AFG2B: variants seen among roughly 807,000 people sequenced by gnomAD.
The protein encoded by AFG2B is AAA ATPase AFG2B.
At chr15:45,418,343 C>CAA in the AFG2B span, among the ~76,000 whole-genome samples, 23 of 52,398 alleles carry the variant, frequency 4.4e-4, no homozygotes, top group East Asian at 1.2e-3. Context: ...GACTCCATCT[C>CAA]AAAAAAAAAA....
At chr15:45,419,989 C>A in the AFG2B span, among the ~76,000 whole-genome samples, 3 of 98,354 alleles carry the variant, frequency 3.1e-5, no homozygotes, top group South Asian at 4.0e-4. Flanking sequence ...GACTCTGTCC[C>A]CCCCCCCCAA....
chr15:45,402,793 G>A, the AFG2B span: 14 of 1,592,180 alleles, frequency 8.8e-6, no homozygotes, highest in Non-Finnish European at 1.2e-5. Flanking sequence ...GCGGGCAGGC[G>A]CGCCCGGTGC....
At chr15:45,411,210 A>C in the AFG2B span, among the ~76,000 whole-genome samples, 2 of 152,162 alleles carry the variant, frequency 1.3e-5, no homozygotes, top group African/African-American at 4.8e-5. Flanking sequence ...GGGGGAAAAA[A>C]GTGTATAACC....
chr15:45,402,945 C>G, the AFG2B span: 88 of 1,597,912 alleles, frequency 5.5e-5, no homozygotes, highest in Non-Finnish European at 7.3e-5. Flanking sequence ...CGCCCAGTCC[C>G]GATCCCGCTG....
the AFG2B span, chr15:45,407,234 C>T: frequency 8.4e-7 from 1 of 1,192,748 alleles, no homozygotes; most frequent in Non-Finnish European, 1.1e-6. Context: ...GTACTGGCTC[C>T]ATCTTTTATT....
chr15:45,403,131 T>C, the AFG2B span: 2 of 1,476,482 alleles, frequency 1.4e-6, no homozygotes, highest in South Asian at 2.6e-5. Context: ...TAGCGGTGCC[T>C]CGCGGGGTGC....
At chr15:45,408,797 A>C in the AFG2B span, among the ~76,000 whole-genome samples, 1 of 152,162 alleles carries the variant, frequency 6.6e-6, no homozygotes, top group Non-Finnish European at 1.5e-5. Flanking sequence ...AGATAGAATG[A>C]TCACTTGAGC....
the AFG2B span, among the ~76,000 whole-genome samples, chr15:45,409,547 A>C: frequency 6.6e-6 from 1 of 151,924 alleles, no homozygotes; most frequent in African/African-American, 2.4e-5. Context: ...TTCTACTTTG[A>C]GGAAATTATT....
the AFG2B span, chr15:45,405,589 C>T: frequency 7.5e-7 from 1 of 1,340,808 alleles, no homozygotes; most frequent in Non-Finnish European, 1.0e-6. Context: ...GCGGTGAGTA[C>T]ATTTTCCTTA....
the AFG2B span, chr15:45,405,564 G>C: frequency 6.5e-7 from 1 of 1,533,750 alleles, no homozygotes; most frequent in African/African-American, 1.4e-5. Flanking sequence ...AGATTAATTT[G>C]GGGGTTAAAA....
chr15:45,409,046 T>C, the AFG2B span, among the ~76,000 whole-genome samples: 1 of 152,234 alleles, frequency 6.6e-6, no homozygotes, highest in Admixed American at 6.5e-5. Flanking sequence ...AATGAATGAG[T>C]ACTGGTTCTT....
the AFG2B span, among the ~76,000 whole-genome samples, chr15:45,411,570 G>A: frequency 6.6e-6 from 1 of 152,110 alleles, no homozygotes; most frequent in African/African-American, 2.4e-5. Flanking sequence ...CTCCAACTCG[G>A]CCTCCTAAAA....
chr15:45,417,716 TATC>T, the AFG2B span: 274 of 254,746 alleles, frequency 1.1e-3, 1 homozygote, highest in African/African-American at 5.4e-3. Context: ...TCAGCATCCT[TATC>T]ATACAGTGCA....
chr15:45,410,342 G>A, the AFG2B span: 11 of 1,597,202 alleles, frequency 6.9e-6, no homozygotes, highest in Non-Finnish European at 9.4e-6. Context: ...TTTTTGGTTT[G>A]ATTTTGCTTT....
the AFG2B span, among the ~76,000 whole-genome samples, chr15:45,411,183 C>T: frequency 6.6e-6 from 1 of 152,086 alleles, no homozygotes; most frequent in Non-Finnish European, 1.5e-5. Context: ...GCCTGGGCAA[C>T]AGAGAAACCG....
At chr15:45,414,894 G>T in the AFG2B span, 1 of 913,234 alleles carries the variant, frequency 1.1e-6, no homozygotes. Context: ...AAATTTATAC[G>T]TTTATTGAAA....
At chr15:45,418,343 CAAAAAAA>C in the AFG2B span, among the ~76,000 whole-genome samples, 5 of 52,560 alleles carry the variant, frequency 9.5e-5, no homozygotes, top group Non-Finnish European at 1.7e-4. Flanking sequence ...GACTCCATCT[CAAAAAAA>C]AAAAAAAAAA....
the AFG2B span, chr15:45,403,348 G>T: frequency 6.2e-7 from 1 of 1,608,326 alleles, no homozygotes; most frequent in Non-Finnish European, 8.5e-7. Context: ...CGAGATGGAC[G>T]CCTTGTGTCC....
chr15:45,410,477 G>A, the AFG2B span: 3 of 1,612,806 alleles, frequency 1.9e-6, no homozygotes. Context: ...TATCAAGCCT[G>A]TTGACTGGGA....
Sources: allele counts gnomAD v4.1 joint callset (sites outside exome capture counted in the v4.1 genomes callset), GRCh38; gene constraint gnomAD v4.1.1; transcripts MANE v1.5; gene names NCBI Gene and HGNC (gene_info 2026-07-23, HGNC 2026-07-21).